The following BICD1 variants were observed in gnomAD, a reference collection of about 807,000 sequenced individuals.
BICD1 encodes the protein protein bicaudal D homolog 1.
A neutral mutation model predicts 92.5 loss-of-function variants in BICD1; 35 were observed. The ratio of observed to expected loss-of-function variants is 0.38; its 90% CI spans 0.29 to 0.50. The LOEUF (loss-of-function observed/expected upper bound fraction) is 0.50, where lower values mean the gene tolerates loss of function less well. Among genes scored for constraint, BICD1 ranks in the 20% least tolerant of loss-of-function variants. The pLI is 0.93. For missense variants in BICD1, 950 were observed against 1,189.8 expected (o/e 0.80, Z 2.97); for synonymous variants, 429 against 465.1 (o/e 0.92, Z 1.00).
chr12:32,161,104 A>G (rs1009160114), intron 1 of BICD1, among the ~76,000 whole-genome samples: 1 of 152,230 alleles, frequency 6.6e-6, no homozygotes, highest in African/African-American at 2.4e-5. Flanking sequence ...AAATGTCATT[A>G]TGTCTTGAGA....
intron 4 of BICD1, among the ~76,000 whole-genome samples, chr12:32,308,330 A>G (rs1327015867): frequency 6.6e-6 from 1 of 152,182 alleles, no homozygotes; most frequent in Non-Finnish European, 1.5e-5. Flanking sequence ...GAAACTCCCC[A>G]TGTATTTCAA....
At chr12:32,302,131 CCG>C (rs1411357859) in intron 3 of BICD1, among the ~76,000 whole-genome samples, 1 of 152,108 alleles carries the variant, frequency 6.6e-6, no homozygotes, top group Admixed American at 6.5e-5. Context: ...CGTGATCCGC[CCG>C]CCTCAGCCTC....
At chr12:32,236,310 G>A (rs1171962975) in intron 2 of BICD1, among the ~76,000 whole-genome samples, 2 of 151,820 alleles carry the variant, frequency 1.3e-5, no homozygotes, top group South Asian at 2.1e-4. Context: ...CAGGAGAATC[G>A]CTTGAACTGG....
chr12:32,308,931 G>C (rs1341678276), intron 4 of BICD1, among the ~76,000 whole-genome samples: 1 of 152,126 alleles, frequency 6.6e-6, no homozygotes, highest in East Asian at 1.9e-4. Context: ...GGGCTTTGCA[G>C]CTTCCAATCT....
At chr12:32,185,237 G>T (rs1342407884) in intron 1 of BICD1, among the ~76,000 whole-genome samples, 1 of 152,076 alleles carries the variant, frequency 6.6e-6, no homozygotes, top group Non-Finnish European at 1.5e-5. Flanking sequence ...CCACTCACAG[G>T]AATGTTTTAT....
At chr12:32,259,072 C>T (rs1261446018) in intron 2 of BICD1, among the ~76,000 whole-genome samples, 1 of 152,166 alleles carries the variant, frequency 6.6e-6, no homozygotes, top group African/African-American at 2.4e-5. Flanking sequence ...AGGGAGCCCT[C>T]AAGTGGCCCT....
intron 3 of BICD1, among the ~76,000 whole-genome samples, chr12:32,298,358 G>A (rs963669976): frequency 4.0e-5 from 6 of 151,110 alleles, no homozygotes; most frequent in Non-Finnish European, 7.4e-5. Context: ...TCAGGAGTTC[G>A]AGATCAGTCT....
rs1161941459 is a variant in BICD1, at chr12:32,357,861, GT to G, written c.2765-9807del. Among the ~76,000 whole-genome samples, 7 of 152,278 alleles carry G rather than the reference GT, an allele frequency of 4.6e-5. 1 individual carries two copies. In the East Asian group the frequency reaches 1.3e-3, roughly 29 times the overall value. ...TGTAAAGGTCCTGTCTTCAAATACA[GT>G]TGCATTCTAAGGTTCTGAGAGTTAG... On this transcript the variant is annotated intron_variant, in intron 8 of 9. Transcript: ENST00000652176.
Position 32,293,621 on chromosome 12 carries a change from C to T in BICD1, c.427-373C>T, listed in dbSNP as rs193180466. Among the ~76,000 whole-genome samples, 287 of 152,214 alleles carry T rather than the reference C, an allele frequency of 1.9e-3. 2 individuals carry two copies. The highest frequency in any genetic ancestry group is 4.8e-3 in the South Asian group (23 of 4,820). ...CTGGGATTACAGGTGTGAGCCACAG[C>T]GCCCGGCCTTTCTCGTTTCTTAAAA... On this transcript the variant is annotated intron_variant, in intron 2 of 9. Coordinates refer to ENST00000652176, the MANE Select transcript of BICD1 (RefSeq NM_001714.4).
At chr12:32,302,835 T>C (rs1948093823) in intron 3 of BICD1, among the ~76,000 whole-genome samples, 4 of 151,804 alleles carry the variant, frequency 2.6e-5, no homozygotes, top group Admixed American at 2.6e-4. Flanking sequence ...CAATATTGAC[T>C]CTTTTGAGTA....
chr12:32,223,842 T>C (rs1031959824), intron 2 of BICD1, among the ~76,000 whole-genome samples: 1 of 152,172 alleles, frequency 6.6e-6, no homozygotes, highest in Non-Finnish European at 1.5e-5. Flanking sequence ...AATATTGTCT[T>C]ATGTCAGGGA....
At chr12:32,187,440 G>A (rs1440275446) in intron 1 of BICD1, among the ~76,000 whole-genome samples, 1 of 152,144 alleles carries the variant, frequency 6.6e-6, no homozygotes, top group African/African-American at 2.4e-5. Context: ...TTGGGAGGCC[G>A]AGGCGGGCAG....
chr12:32,261,654 C>T (rs569801110), intron 2 of BICD1, among the ~76,000 whole-genome samples: 15 of 152,324 alleles, frequency 9.8e-5, no homozygotes, highest in African/African-American at 3.6e-4. Context: ...TGGAGGATTC[C>T]ACCACCTTTG....
chr12:32,215,041 C>CAA (rs1026985342), intron 1 of BICD1, among the ~76,000 whole-genome samples: 3 of 152,068 alleles, frequency 2.0e-5, no homozygotes, highest in Admixed American at 6.5e-5. Context: ...CCAGCCTGGC[C>CAA]AACAAGGTGA....
At chr12:32,342,187 T>C (rs908286804) in intron 8 of BICD1, among the ~76,000 whole-genome samples, 55 of 122,362 alleles carry the variant, frequency 4.5e-4, no homozygotes, top group Non-Finnish European at 6.9e-4. Flanking sequence ...TGTGTGTATA[T>C]ATATATGTGT....
At chr12:32,343,598 C>CT (rs991577213) in intron 8 of BICD1, among the ~76,000 whole-genome samples, 90 of 152,280 alleles carry the variant, frequency 5.9e-4, no homozygotes, top group African/African-American at 2.0e-3. Flanking sequence ...CCATGTCACC[C>CT]TTTTCCTCTT....
chr12:32,113,068 T>C (rs1459285265), intron 1 of BICD1, among the ~76,000 whole-genome samples: 2 of 152,138 alleles, frequency 1.3e-5, no homozygotes, highest in East Asian at 3.9e-4. Context: ...CACTGCATCA[T>C]ACTACCTTGA....
intron 2 of BICD1, among the ~76,000 whole-genome samples, chr12:32,229,597 C>T (rs1945809396): frequency 6.6e-6 from 1 of 152,086 alleles, no homozygotes; most frequent in Admixed American, 6.6e-5. Flanking sequence ...TCATTGGTCA[C>T]CTCAGTGAGA....
chr12:32,128,618 AAC>A (rs914107336), intron 1 of BICD1, among the ~76,000 whole-genome samples: 8 of 152,118 alleles, frequency 5.3e-5, no homozygotes, highest in South Asian at 2.1e-4. Flanking sequence ...CTTAAAAAAA[AAC>A]CAGCGTAATT....
Sources: allele counts gnomAD v4.1 joint callset (sites outside exome capture counted in the v4.1 genomes callset), GRCh38; gene constraint gnomAD v4.1.1; transcripts MANE v1.5; gene names NCBI Gene and HGNC (gene_info 2026-07-23, HGNC 2026-07-21).